The following KDR variants were observed in gnomAD, a reference collection of about 807,000 sequenced individuals.
The protein encoded by KDR is kinase insert domain receptor.
KDR carries 43 observed loss-of-function variants against 160.9 expected under a neutral mutation model. The observed-to-expected ratio is 0.27, with a 90% CI of 0.21 to 0.34. The LOEUF is 0.34. KDR is among the 10% of genes least tolerant of loss of function. The pLI is 1.00. For synonymous variants in KDR, 617 were observed against 600.1 expected (o/e 1.03, Z -0.41); for missense variants, 1,469 against 1,666.4 (o/e 0.88, Z 2.06).
At position 55,121,268 on chromosome 4, in the gene KDR, T is replaced by C. The variant is rs540691150; in HGVS notation, c.68-78A>G. 5.2e-6 allele frequency: 5 copies of C among 953,020 alleles called. No individual in the cohort carries two copies. The African/African-American group carries it at 8.0e-5, about 15-fold the overall frequency. The allele number at this position is 953,020 out of a possible 1,614,324, so 59.0% of individuals were successfully genotyped here. On this transcript the variant is annotated intron_variant, in intron 1 of 29. Transcript: ENST00000263923. Reference sequence around the variant, plus strand: ...GGAAACACCTTCCATAAACAATGCATACTCTATACTTTAAAAGGCCTCTTC... The same window carrying C: ...GGAAACACCTTCCATAAACAATGCACACTCTATACTTTAAAAGGCCTCTTC...
intron 18 of KDR, 143 bp downstream of exon 18, chr4:55,097,519 A>G (rs1278109606): frequency 3.2e-6 from 2 of 630,954 alleles, no homozygotes; most frequent in Non-Finnish European, 5.7e-6. Flanking sequence ...CCTTTTTCCA[A>G]TTTGCACAAG....
At position 55,098,817 on chromosome 4, in the gene KDR, A is replaced by G. The variant is rs772442778; in HGVS notation, c.2267-14T>C. 3.2e-6 allele frequency: 5 copies of G among 1,557,024 alleles called. No homozygotes were observed. The highest frequency in any genetic ancestry group is 3.3e-5 in the Admixed American group (2 of 59,852). ...TTTCCTGGGCACCTGGAAAGACACA[A>G]TTGAATGAGTATCAACAGTTGGAAA... On this transcript the variant is annotated splice_polypyrimidine_tract_variant and intron_variant, in intron 15 of 29. Transcript: ENST00000263923.
chr4:55,096,529 A>G, intron 18 of KDR, 187 bp from the exon 19 acceptor site: 1 of 587,288 alleles, frequency 1.7e-6, no homozygotes, highest in Non-Finnish European at 3.0e-6. Context: ...TTGAAATAAA[A>G]TTCATATTTT....
In KDR at chr4:55,079,919, T is replaced by C. The variant is rs1578123849; in HGVS notation, c.*22A>G. Reference sequence around the variant, plus strand: ...GCACCTCTCATGTGATGTCCAGGAGTTGGGGGTGTGGATGCTTCCTTTTAA... The same window carrying C: ...GCACCTCTCATGTGATGTCCAGGAGCTGGGGGTGTGGATGCTTCCTTTTAA... On this transcript the variant is annotated 3_prime_UTR_variant, in exon 30 of 30. Transcript: ENST00000263923. 3 of 1,592,896 alleles carry C rather than the reference T, an allele frequency of 1.9e-6. No homozygotes were observed. The highest frequency in any genetic ancestry group is 2.2e-5 in the East Asian group (1 of 44,758).
chr4:55,083,116 C>G (rs188039268), intron 27 of KDR, among the ~76,000 whole-genome samples: 22 of 152,308 alleles, frequency 1.4e-4, no homozygotes, highest in Admixed American at 1.4e-3. Flanking sequence ...ATACTGAACC[C>G]AGCAGTGATT....
intron 9 of KDR, among the ~76,000 whole-genome samples, chr4:55,109,332 C>T (rs1324157063): frequency 1.3e-5 from 2 of 152,072 alleles, no homozygotes; most frequent in African/African-American, 2.4e-5. Flanking sequence ...ATCCATCCGC[C>T]TCGGCCTCCC....
chr4:55,112,836 T>C (rs1720629127), intron 7 of KDR, among the ~76,000 whole-genome samples: 1 of 152,106 alleles, frequency 6.6e-6, no homozygotes, highest in Admixed American at 6.5e-5. Context: ...GGCCTATACA[T>C]GGATTTTTGA....
At chr4:55,091,849 C>G (rs1006384974) in intron 22 of KDR, among the ~76,000 whole-genome samples, 5 of 152,170 alleles carry the variant, frequency 3.3e-5, no homozygotes, top group Non-Finnish European at 5.9e-5. Context: ...CTGCCACCAG[C>G]CTTGCTCCCC....
intron 26 of KDR, 147 bp downstream of exon 26, chr4:55,088,721 A>G: frequency 1.4e-6 from 1 of 699,080 alleles, no homozygotes; most frequent in East Asian, 2.7e-5. Flanking sequence ...CTTTTAGAAA[A>G]GCATTATTAC....
At chr4:55,122,595 T>C (rs1181121500) in intron 1 of KDR, among the ~76,000 whole-genome samples, 1 of 152,220 alleles carries the variant, frequency 6.6e-6, no homozygotes, top group East Asian at 1.9e-4. Context: ...TGACTGCACA[T>C]GTTCTCACAC....
At chr4:55,110,015 C>T (rs1720537817) in intron 9 of KDR, among the ~76,000 whole-genome samples, 1 of 152,182 alleles carries the variant, frequency 6.6e-6, no homozygotes, top group Admixed American at 6.5e-5. Flanking sequence ...AAACTAGAAG[C>T]TTTGCACAAA....
At chr4:55,097,794 A>T in intron 17 of KDR, 28 bp from the exon 18 acceptor site, 1 of 1,500,050 alleles carries the variant, frequency 6.7e-7, no homozygotes, top group Non-Finnish European at 9.3e-7. Flanking sequence ...AGCAACAAGA[A>T]AACAGACTTG....
chr4:55,086,243 C>G (rs542404751), intron 27 of KDR, among the ~76,000 whole-genome samples: 1 of 152,166 alleles, frequency 6.6e-6, no homozygotes, highest in African/African-American at 2.4e-5. Flanking sequence ...TAATAGGTAT[C>G]TTTTACTGAG....
At chr4:55,121,902 C>A (rs1720888297) in intron 1 of KDR, among the ~76,000 whole-genome samples, 1 of 141,414 alleles carries the variant, frequency 7.1e-6, no homozygotes, top group Middle Eastern at 3.6e-3. Context: ...TACTGTAATT[C>A]ATTAGCATTA....
At chr4:55,086,717 A>G (rs536335951) in intron 27 of KDR, among the ~76,000 whole-genome samples, 9 of 152,292 alleles carry the variant, frequency 5.9e-5, no homozygotes, top group Middle Eastern at 3.4e-3. Context: ...TCTAGAGGGC[A>G]AACTGTCCAC....
chr4:55,115,386 A>C lies in KDR; in HGVS notation c.384T>G (p.Ser128=). 1 of 1,527,830 alleles carries C rather than the reference A, an allele frequency of 6.5e-7. No individual in the cohort carries two copies. The highest frequency in any genetic ancestry group is 2.3e-5 in the East Asian group (1 of 44,440). The allele number at this position is 1,527,830 out of a possible 1,614,324, so 94.6% of individuals were successfully genotyped here. Residue 128 remains serine (S), a synonymous_variant, in exon 4 of 30, where the codon TCT becomes TCG. Transcript: ENST00000263923. ...VQDYRSPFIA[S]VSDQHGVVYI... ...ACACGACTCCATGTTGGTCACTAAC[A>C]GAAGCAATAAATGGAGATCTGTAAT...
intron 17 of KDR, 59 bp from the exon 18 acceptor site, chr4:55,097,825 G>T (rs964432793): frequency 5.1e-6 from 6 of 1,170,310 alleles, no homozygotes; most frequent in Non-Finnish European, 7.7e-6. Context: ...CAACCAAAGT[G>T]ATACGCAGAG....
Position 55,125,361 on chromosome 4 carries a change from G to C in KDR, c.-68C>G. On this transcript the variant is annotated 5_prime_UTR_variant, in exon 1 of 30. Transcript: ENST00000263923. ...GGTTCTTTCTCCCAGCGCCTGTCTA[G>C]AGAAGGAGGCGCGGAGGTGGAACTC... 1 of 1,534,688 alleles carries C rather than the reference G, an allele frequency of 6.5e-7. No individual in the cohort carries two copies. Among genetic ancestry groups the C allele is most frequent in the Non-Finnish European group, 8.8e-7 (1 of 1,132,572 alleles).
intron 15 of KDR, among the ~76,000 whole-genome samples, chr4:55,100,217 G>C (rs559672976): frequency 6.6e-6 from 1 of 152,138 alleles, no homozygotes; most frequent in East Asian, 1.9e-4. Flanking sequence ...TAACAAATTG[G>C]TTTGCAAAAT....
Sources: gnomAD v4.1 joint callset for allele counts (sites outside exome capture counted in the v4.1 genomes callset) on GRCh38, gnomAD v4.1.1 for gene constraint, MANE v1.5 for transcripts, NCBI Gene and HGNC (gene_info 2026-07-23, HGNC 2026-07-21) for gene names.